TRNP1: variants seen among roughly 807,000 people sequenced by gnomAD.
The protein encoded by TRNP1 is TMF-regulated nuclear protein 1.
In TRNP1, 16 loss-of-function variants were observed where a neutral mutation model predicts 12.2. That is an observed-to-expected ratio of 1.31 (90% CI 0.89 to 1.99). TRNP1 has a LOEUF of 1.99. Ranked by LOEUF, TRNP1 falls within the 30% of genes most tolerant of loss-of-function variation. The pLI is 0.00. For missense variants in TRNP1, 338 were observed against 330.4 expected (o/e 1.02, Z -0.18); for synonymous variants, 139 against 166.2 (o/e 0.84, Z 1.26).
Position 26,994,318 on chromosome 1 carries a change from C to T in TRNP1, c.532C>T (p.Arg178Cys). The change falls in exon 1 of 2, where the codon CGC becomes TGC. Residue 178 changes from arginine (R) to cysteine (C), a missense_variant. Coordinates refer to ENST00000522111, the MANE Select transcript of TRNP1 (RefSeq NM_001013642.3). This position sits in a 1 kb window ranked among gnomAD's most constrained non-coding sequence, Gnocchi z 6.9. ...CAAGAAGGGCCCGCGCCGCGGCCGC[C>T]GCGGCCGACCCCCCGCGCTGCTGGC... ...RLKKGPRRGRRGRPPALLASA... is the reference protein window; with the variant it reads ...RLKKGPRRGRCGRPPALLASA... 1 of 1,119,026 alleles carries T rather than the reference C, an allele frequency of 8.9e-7. No homozygotes were observed. Among genetic ancestry groups the T allele is most frequent in the Non-Finnish European group, 1.1e-6 (1 of 916,912 alleles). 69.3% of individuals were successfully genotyped at this position (1,119,026 alleles called of 1,614,324 possible). A position where few individuals can be genotyped will look rare whatever the true frequency, so the allele number is the denominator to read the frequency against.
At chr1:26,995,734 G>T (rs546878934) in intron 1 of TRNP1, among the ~76,000 whole-genome samples, 1 of 152,304 alleles carries the variant, frequency 6.6e-6, no homozygotes, top group South Asian at 2.1e-4. Context: ...GGATTCAAGC[G>T]ATTCTCCTGC....
intron 1 of TRNP1, among the ~76,000 whole-genome samples, chr1:26,995,936 GTAT>G (rs1257539939): frequency 6.6e-6 from 1 of 152,138 alleles, no homozygotes; most frequent in Admixed American, 6.5e-5. Flanking sequence ...GGCTGATAAT[GTAT>G]TATTTTAACT....
intron 1 of TRNP1, among the ~76,000 whole-genome samples, chr1:26,997,580 C>G (rs1485028392): frequency 6.6e-6 from 1 of 152,076 alleles, no homozygotes; most frequent in African/African-American, 2.4e-5. Context: ...ACATGACTTT[C>G]AGAACACTTT....
chr1:26,995,853 C>A (rs745822669), intron 1 of TRNP1, among the ~76,000 whole-genome samples: 3 of 152,224 alleles, frequency 2.0e-5, no homozygotes. Context: ...TGTTCTTGAA[C>A]TCCCGACCTC....
chr1:26,995,592 T>C (rs2124193124), intron 1 of TRNP1, among the ~76,000 whole-genome samples: 1 of 151,808 alleles, frequency 6.6e-6, no homozygotes. Flanking sequence ...CAGAGGTCCT[T>C]CTTCTTCCTC....
In TRNP1 at chr1:26,993,764, A is replaced by C; in HGVS notation, c.-23A>C. The stretch of plus-strand genomic sequence containing the variant: ...ATCCTCCCTGCGCACCTACAGCCGC[A>C]GACCGCCGGTGGGGGGCGGGGGATG... On this transcript the variant is annotated 5_prime_UTR_variant, in exon 1 of 2. Coordinates refer to ENST00000522111, the MANE Select transcript of TRNP1 (RefSeq NM_001013642.3). 7.9e-7 allele frequency: 1 copy of C among 1,267,944 alleles called. No individual in the cohort carries two copies. The highest frequency in any genetic ancestry group is 9.9e-7 in the Non-Finnish European group (1 of 1,012,648). 78.5% of individuals were successfully genotyped at this position (1,267,944 alleles called of 1,614,324 possible). A position where few individuals can be genotyped will look rare whatever the true frequency, so the allele number is the denominator to read the frequency against.
chr1:26,996,586 C>T (rs1304714867), intron 1 of TRNP1, among the ~76,000 whole-genome samples: 1 of 152,184 alleles, frequency 6.6e-6, no homozygotes, highest in Non-Finnish European at 1.5e-5. Flanking sequence ...GAGCTGAGCT[C>T]AGGCCTTGGT....
rs1226225820 is a variant in TRNP1 at position 26,994,589 on chromosome 1, A to G, written c.*119A>G. ...CCGCAGGAAGAGGCAGTTGGGGGCC[A>G]GGGGCCCAGTAGAGGAGGCTGAGGT... On this transcript the variant is annotated 3_prime_UTR_variant, in exon 1 of 2. Transcript: ENST00000522111. This position sits in a 1 kb window ranked among gnomAD's most constrained non-coding sequence, Gnocchi z 6.9. 1.0e-5 allele frequency: 8 copies of G among 775,094 alleles called. No homozygotes were observed. The highest frequency in any genetic ancestry group is 8.1e-5 in the East Asian group (1 of 12,286). 48.0% of individuals were successfully genotyped at this position (775,094 alleles called of 1,614,324 possible).
Position 26,994,124 on chromosome 1 carries a change from T to C in TRNP1, c.338T>C (p.Val113Ala), listed in dbSNP as rs767787546. The C allele has an allele frequency of 8.1e-7, 1 of 1,231,330 alleles. No homozygotes were observed. Among genetic ancestry groups the C allele is most frequent in the South Asian group, 3.2e-5 (1 of 31,400 alleles). 76.3% of individuals were successfully genotyped at this position (1,231,330 alleles called of 1,614,324 possible). Residue 113 changes from valine to alanine, a missense_variant, in exon 1 of 2, where the codon GTG becomes GCG. Physicochemically the swap from Val to Ala is moderately conservative, Grantham distance 64 (BLOSUM62 0). Coordinates refer to ENST00000522111, the MANE Select transcript of TRNP1 (RefSeq NM_001013642.3). This position sits in a 1 kb window ranked among gnomAD's most constrained non-coding sequence, Gnocchi z 6.9. ...GAAGCACGGCGGCGGCTGCTGGAGG[T>C]GGAGGGCCGCCGGCGCCTGGTGTCG... ...LAEARRRLLE[V>A]EGRRRLVSEL...
In TRNP1 at chr1:26,993,917, C is replaced by T. The variant is rs1456531750; in HGVS notation, c.131C>T (p.Pro44Leu). 2.2e-6 allele frequency: 3 copies of T among 1,369,634 alleles called. No individual in the cohort carries two copies. Among genetic ancestry groups the T allele is most frequent in the South Asian group, 1.7e-5 (1 of 57,542 alleles). The allele number at this position is 1,369,634 out of a possible 1,614,324, so 84.8% of individuals were successfully genotyped here. A position where few individuals can be genotyped will look rare whatever the true frequency, so the allele number is the denominator to read the frequency against. The change falls in exon 1 of 2, where the codon CCT (proline) becomes CTT (leucine). Residue 44 changes from proline (P) to leucine (L), a missense_variant. By Grantham distance (98) the Pro-to-Leu change is moderately conservative. Coordinates refer to ENST00000522111, the MANE Select transcript of TRNP1 (RefSeq NM_001013642.3). ...CCGCCCCCAACTCCGACCTTGACTCCTACCCCGACCCCGGGTCAGTCCCCG... is the reference window on the plus strand; with the variant it reads ...CCGCCCCCAACTCCGACCTTGACTCTTACCCCGACCCCGGGTCAGTCCCCG... ...QPPPPTPTLT[P>L]TPTPGQSPPL...
intron 1 of TRNP1, among the ~76,000 whole-genome samples, chr1:26,997,664 C>T (rs570670550): frequency 1.8e-4 from 27 of 152,248 alleles, no homozygotes; most frequent in Middle Eastern, 3.4e-3. Context: ...AGGACACTGA[C>T]GGCCACCAAT....
Position 26,993,950 on chromosome 1 carries a change from C to A in TRNP1, c.164C>A (p.Pro55Gln), listed in dbSNP as rs1295845905. The A allele has an allele frequency of 1.5e-6, 2 of 1,341,680 alleles. No homozygotes were observed. The highest frequency in any genetic ancestry group is 4.7e-4 in the Middle Eastern group (2 of 4,232). 83.1% of individuals were successfully genotyped at this position (1,341,680 alleles called of 1,614,324 possible). A position where few individuals can be genotyped will look rare whatever the true frequency, so the allele number is the denominator to read the frequency against. Residue 55 changes from proline (P) to glutamine (Q), a missense_variant, in exon 1 of 2, where the codon CCG becomes CAG. By Grantham distance (76) the Pro-to-Gln change is moderately conservative. Transcript: ENST00000522111. ...ACCCCGGGTCAGTCCCCGCCGCTGCCGGACGCAGCTGGGGCTTCAGCAGGC... is the reference window on the plus strand; with the variant it reads ...ACCCCGGGTCAGTCCCCGCCGCTGCAGGACGCAGCTGGGGCTTCAGCAGGC... The part of the protein sequence containing the change: ...TPTPGQSPPL[P>Q]DAAGASAGAA...
Position 26,994,142 on chromosome 1 carries a change from TG to T in TRNP1, c.358del (p.Val120CysfsTer29). The T allele has an allele frequency of 1.6e-6, 2 of 1,252,954 alleles. No homozygotes were observed. Among genetic ancestry groups the T allele is most frequent in the South Asian group, 2.7e-5 (1 of 36,816 alleles). 77.6% of individuals were successfully genotyped at this position (1,252,954 alleles called of 1,614,324 possible). A position where few individuals can be genotyped will look rare whatever the true frequency, so the allele number is the denominator to read the frequency against. ...RLLEVEGRRR[L>X]VSELESRVLQ... ...CTGGAGGTGGAGGGCCGCCGGCGCC[TG>T]GTGTCGGAGCTGGAGAGCCGCGTGC... On this transcript the variant is annotated frameshift_variant, in exon 1 of 2. Transcript: ENST00000522111. LOFTEE classifies it high-confidence loss of function. This position sits in a 1 kb window ranked among gnomAD's most constrained non-coding sequence, Gnocchi z 6.9.
At position 26,994,274 on chromosome 1, in the gene TRNP1, C is replaced by G; in HGVS notation, c.488C>G (p.Ala163Gly). 4 of 1,182,940 alleles carry G rather than the reference C, an allele frequency of 3.4e-6. No individual in the cohort carries two copies. The highest frequency in any genetic ancestry group is 4.2e-6 in the Non-Finnish European group (4 of 955,658). The allele number at this position is 1,182,940 out of a possible 1,614,324, so 73.3% of individuals were successfully genotyped here. The change falls in exon 1 of 2, where the codon GCG becomes GGG. Residue 163 changes from alanine to glycine, a missense_variant. Physicochemically the swap from Ala to Gly is moderately conservative, Grantham distance 60 (BLOSUM62 0). Coordinates refer to ENST00000522111, the MANE Select transcript of TRNP1 (RefSeq NM_001013642.3). This position sits in a 1 kb window ranked among gnomAD's most constrained non-coding sequence, Gnocchi z 6.9. ...GGVAQAELYL[A>G]AHGSRLKKGP... is the part of the protein sequence containing the mutation. Reference sequence around the variant, plus strand: ...GTGGCGCAGGCCGAGCTCTACCTGGCGGCTCACGGGTCGCGCCTCAAGAAG... The same window carrying G: ...GTGGCGCAGGCCGAGCTCTACCTGGGGGCTCACGGGTCGCGCCTCAAGAAG...
At chr1:26,995,989 T>C (rs1195652424) in intron 1 of TRNP1, among the ~76,000 whole-genome samples, 1 of 152,210 alleles carries the variant, frequency 6.6e-6, no homozygotes, top group Non-Finnish European at 1.5e-5. Context: ...GATAGAGCCA[T>C]GAGCTAATTT....
Position 27,000,714 on chromosome 1 carries a change from A to G in TRNP1, c.*1010A>G, listed in dbSNP as rs968263153. 1.3e-5 allele frequency: 2 copies of G among 152,298 alleles called. No individual in the cohort carries two copies. Among genetic ancestry groups the G allele is most frequent in the African/African-American group, 4.8e-5 (2 of 41,406 alleles). The allele number at this position is 152,298 out of a possible 1,614,324, so 9.4% of individuals were successfully genotyped here. On this transcript the variant is annotated 3_prime_UTR_variant, in exon 2 of 2. Coordinates refer to ENST00000522111, the MANE Select transcript of TRNP1 (RefSeq NM_001013642.3). ...CCCTTGCTGCCTTTCCTCTGTGTCT[A>G]TTATGGCTCTTTAAGTTGACGGTTC...
rs74062561 is a variant in TRNP1 at position 26,994,801 on chromosome 1, A to G, written c.*142+189A>G. ...GTGGTAGCATCAAGTCTCCATTATA[A>G]GAGTTGGACTCTTGAGGGGGCTCAG... is the stretch of plus-strand genomic sequence containing the variant. On this transcript the variant is annotated intron_variant, in intron 1 of 1. Coordinates refer to ENST00000522111, the MANE Select transcript of TRNP1 (RefSeq NM_001013642.3). The surrounding 1 kb of genome is among the most constrained non-coding windows in gnomAD (Gnocchi z 6.9). Among the ~76,000 whole-genome samples the G allele has an allele frequency of 1.7e-3, 263 of 152,242 alleles. 4 individuals are homozygous for G. The highest frequency in any genetic ancestry group is 6.1e-3 in the African/African-American group (255 of 41,564).
rs1269857099 is a variant in TRNP1 at position 26,993,725 on chromosome 1, G to T, written c.-62G>T. The T allele has an allele frequency of 4.0e-6, 5 of 1,259,904 alleles. No individual in the cohort carries two copies. The highest frequency in any genetic ancestry group is 3.1e-5 in the East Asian group (1 of 31,796). 78.0% of individuals were successfully genotyped at this position (1,259,904 alleles called of 1,614,324 possible). A position where few individuals can be genotyped will look rare whatever the true frequency, so the allele number is the denominator to read the frequency against. ...GGCTGTGGCCGTGTCTAGCTGTTCG[G>T]GTGTGCTGTGGTCATCCTCCCTGCG... On this transcript the variant is annotated 5_prime_UTR_variant, in exon 1 of 2. Transcript: ENST00000522111.
intron 1 of TRNP1, among the ~76,000 whole-genome samples, chr1:26,995,041 A>G (rs2082538935): frequency 6.6e-6 from 1 of 152,234 alleles, no homozygotes; most frequent in African/African-American, 2.4e-5. Flanking sequence ...GGAGGCTGGC[A>G]CAGGGCTGTA....
Sources: allele counts gnomAD v4.1 joint callset (sites outside exome capture counted in the v4.1 genomes callset), GRCh38; gene constraint gnomAD v4.1.1; non-coding constraint Gnocchi (gnomAD v3.1); transcripts MANE v1.5; gene names NCBI Gene and HGNC (gene_info 2026-07-23, HGNC 2026-07-21).